NRXN1: variants seen among roughly 807,000 people sequenced by gnomAD.
NRXN1 encodes neurexin-1.
Under a neutral mutation model 150.9 loss-of-function variants are expected in NRXN1, and 39 were observed. The observed-to-expected ratio is 0.26, with a 90% confidence interval of 0.20 to 0.34. The LOEUF (loss-of-function observed/expected upper bound fraction) is 0.34. Ranked by LOEUF, NRXN1 falls within the 10% of genes least tolerant of loss-of-function variation. The probability of loss-of-function intolerance (pLI) is 1.00; values close to 1 mark genes in which losing one functional copy is unlikely to be tolerated. For synonymous variants in NRXN1, 924 were observed against 757.0 expected (o/e 1.22, Z -3.62); for missense variants, 1,815 against 1,949.9 (o/e 0.93, Z 1.30).
chr2:50,937,300 T>C lies in NRXN1; in HGVS notation c.773-11345A>G, dbSNP rs1478570093. Among the ~76,000 whole-genome samples the C allele has an allele frequency of 3.9e-5, 6 of 152,182 alleles. 1 individual carries two copies. In the South Asian group the frequency reaches 1.0e-3, roughly 26 times the overall value. On this transcript the variant is annotated intron_variant, in intron 2 of 22. Transcript: ENST00000401669. ...TGCCTTTTCCATTCCCCTTCTTTTG[T>C]TCAGCTTCTAGCACAGTATGTATAT... is the stretch of plus-strand genomic sequence containing the variant.
At chr2:50,238,149 C>G (rs989290219) in intron 17 of NRXN1, among the ~76,000 whole-genome samples, 1 of 151,980 alleles carries the variant, frequency 6.6e-6, no homozygotes, top group Non-Finnish European at 1.5e-5. Context: ...ACTAATAGAG[C>G]ATTTGGTGCA....
intron 9 of NRXN1, among the ~76,000 whole-genome samples, chr2:50,546,188 A>C (rs2105307622): frequency 6.6e-6 from 1 of 152,264 alleles, no homozygotes; most frequent in Admixed American, 6.5e-5. Flanking sequence ...CTGAACAAGA[A>C]GAATGCATGA....
chr2:50,455,698 G>A (rs2087485625), intron 17 of NRXN1, among the ~76,000 whole-genome samples: 1 of 152,140 alleles, frequency 6.6e-6, no homozygotes, highest in Non-Finnish European at 1.5e-5. Context: ...CAGAATTGAT[G>A]TCATCAAAGA....
At chr2:50,245,503 G>C (rs1259462079) in intron 17 of NRXN1, among the ~76,000 whole-genome samples, 1 of 151,918 alleles carries the variant, frequency 6.6e-6, no homozygotes, top group East Asian at 1.9e-4. Context: ...GCTATAGGCA[G>C]CAGGGATAGG....
At chr2:50,653,560 G>A (rs1431035862) in intron 5 of NRXN1, among the ~76,000 whole-genome samples, 2 of 151,986 alleles carry the variant, frequency 1.3e-5, no homozygotes, top group Admixed American at 1.3e-4. Flanking sequence ...ATTTATGGAG[G>A]CAGTTTTGGC....
chr2:50,130,583 T>C (rs1036752901), intron 18 of NRXN1, among the ~76,000 whole-genome samples: 1 of 152,174 alleles, frequency 6.6e-6, no homozygotes, highest in African/African-American at 2.4e-5. Flanking sequence ...ATATATTCTA[T>C]ATTCTGCCTC....
chr2:50,181,316 A>G (rs1184573123), intron 18 of NRXN1, among the ~76,000 whole-genome samples: 3 of 27,126 alleles, frequency 1.1e-4, no homozygotes, highest in Non-Finnish European at 2.9e-4. Context: ...CTCTGAGGCA[A>G]AAAAAAAATA....
At chr2:50,871,315 G>GT (rs1325096136) in intron 5 of NRXN1, among the ~76,000 whole-genome samples, 3 of 151,724 alleles carry the variant, frequency 2.0e-5, no homozygotes, top group Non-Finnish European at 2.9e-5. Context: ...AAAGCTAAAT[G>GT]TTTTTTCTAA....
chr2:50,076,346 T>C (rs1054978363), intron 19 of NRXN1, among the ~76,000 whole-genome samples: 7 of 149,666 alleles, frequency 4.7e-5, no homozygotes, highest in Non-Finnish European at 8.9e-5. Flanking sequence ...AGTTGCAGGA[T>C]TGCAAAACTA....
intron 18 of NRXN1, among the ~76,000 whole-genome samples, chr2:50,143,682 T>G (rs1397852140): frequency 6.6e-6 from 1 of 151,922 alleles, no homozygotes; most frequent in African/African-American, 2.4e-5. Context: ...AATTCATAAG[T>G]GGAGTATTCA....
At chr2:50,262,413 C>G (rs1049156581) in intron 17 of NRXN1, among the ~76,000 whole-genome samples, 1 of 151,842 alleles carries the variant, frequency 6.6e-6, no homozygotes, top group Non-Finnish European at 1.5e-5. Flanking sequence ...TAGTCTAAAA[C>G]CAGTTCCAGG....
chr2:50,691,404 C>T (rs1458695882), intron 5 of NRXN1, among the ~76,000 whole-genome samples: 1 of 152,120 alleles, frequency 6.6e-6, no homozygotes, highest in Non-Finnish European at 1.5e-5. Flanking sequence ...TCTCATAAGA[C>T]ATTTTGATAG....
At chr2:49,981,849 G>T (rs1420401460) in intron 21 of NRXN1, among the ~76,000 whole-genome samples, 1 of 152,010 alleles carries the variant, frequency 6.6e-6, no homozygotes, top group Non-Finnish European at 1.5e-5. Context: ...ATTTCATGAA[G>T]ACTCAATATT....
chr2:50,302,912 GCCAT>G (rs10540394), intron 17 of NRXN1, among the ~76,000 whole-genome samples: 14,079 of 151,468 alleles, frequency 0.093, 761 homozygotes, highest in Middle Eastern at 0.15. Flanking sequence ...AGTCTACCAG[GCCAT>G]CCATCCATCC....
At chr2:50,267,856 A>G (rs1320264486) in intron 17 of NRXN1, among the ~76,000 whole-genome samples, 1 of 152,124 alleles carries the variant, frequency 6.6e-6, no homozygotes, top group African/African-American at 2.4e-5. Context: ...AAGTCCAAGA[A>G]GAGAGAGATC....
intron 18 of NRXN1, among the ~76,000 whole-genome samples, chr2:50,149,916 G>A (rs1039787156): frequency 2.3e-4 from 35 of 151,578 alleles, no homozygotes; most frequent in African/African-American, 8.0e-4. Context: ...TTAACTCACT[G>A]CCTGTATGTA....
intron 17 of NRXN1, among the ~76,000 whole-genome samples, chr2:50,317,793 C>T (rs2075731698): frequency 1.3e-5 from 2 of 151,920 alleles, no homozygotes; most frequent in Admixed American, 1.3e-4. Context: ...CCACCAACAA[C>T]ATGTCATTCC....
chr2:50,119,338 C>T (rs1210348825), intron 18 of NRXN1, among the ~76,000 whole-genome samples: 1 of 140,192 alleles, frequency 7.1e-6, no homozygotes, highest in Non-Finnish European at 1.6e-5. Context: ...CAAATGCTCC[C>T]CACAAAGTAA....
At chr2:50,836,658 T>C (rs1672148057) in intron 5 of NRXN1, among the ~76,000 whole-genome samples, 1 of 152,120 alleles carries the variant, frequency 6.6e-6, no homozygotes, top group African/African-American at 2.4e-5. Context: ...TTTCCTCCCC[T>C]TTTAAGGCTG....
Sources: gnomAD v4.1 joint callset for allele counts (sites outside exome capture counted in the v4.1 genomes callset) on GRCh38, gnomAD v4.1.1 for gene constraint, MANE v1.5 for transcripts, NCBI Gene and HGNC (gene_info 2026-07-23, HGNC 2026-07-21) for gene names.